Variants in CNIH1 observed in about 807,000 individuals in gnomAD.
The protein encoded by CNIH1 is cornichon family member 1.
A neutral mutation model predicts 20.2 loss-of-function variants in CNIH1; 12 were observed. That is an observed-to-expected ratio of 0.59 (90% CI 0.38 to 0.96). CNIH1 has a LOEUF of 0.96. CNIH1 is among the 40% of genes least tolerant of loss of function. The probability of loss-of-function intolerance (pLI) is 0.00; values close to 1 mark genes in which losing one functional copy is unlikely to be tolerated. For missense variants in CNIH1, 152 were observed against 178.8 expected (o/e 0.85, Z 0.85); for synonymous variants, 69 against 63.3 (o/e 1.09, Z -0.43).
rs2030838493 is a variant in CNIH1, at chr14:54,426,952, T to G, written c.*862A>C. ...GTGAGTCTTAATTTCAGAGTTTTATTGTATTGCACTAAAGGAACAGCAGGA... is the reference window on the plus strand; with the variant it reads ...GTGAGTCTTAATTTCAGAGTTTTATGGTATTGCACTAAAGGAACAGCAGGA... On this transcript the variant is annotated 3_prime_UTR_variant, in exon 5 of 5. Coordinates refer to ENST00000216416, the MANE Select transcript of CNIH1 (RefSeq NM_005776.3). 1 of 152,212 alleles carries G rather than the reference T, an allele frequency of 6.6e-6. No homozygotes were observed. The highest frequency in any genetic ancestry group is 2.1e-4 in the South Asian group (1 of 4,834). 9.4% of individuals were successfully genotyped at this position (152,212 alleles called of 1,614,324 possible). A position where few individuals can be genotyped will look rare whatever the true frequency, so the allele number is the denominator to read the frequency against.
At chr14:54,439,552 CT>C (rs534454023) in intron 1 of CNIH1, among the ~76,000 whole-genome samples, 1 of 146,714 alleles carries the variant, frequency 6.8e-6, no homozygotes, top group Non-Finnish European at 1.5e-5. Flanking sequence ...TTCTTTCTTT[CT>C]TTTTTTTTGT....
At chr14:54,438,920 G>A (rs1397555354) in intron 1 of CNIH1, among the ~76,000 whole-genome samples, 1 of 152,088 alleles carries the variant, frequency 6.6e-6, no homozygotes, top group Non-Finnish European at 1.5e-5. Context: ...AACAGCGCCT[G>A]GCACCTCCCC....
intron 3 of CNIH1, among the ~76,000 whole-genome samples, chr14:54,431,459 A>G (rs543005209): frequency 6.6e-6 from 1 of 152,220 alleles, no homozygotes; most frequent in East Asian, 1.9e-4. Context: ...TTCAAAGTCC[A>G]TTGTAGACCT....
Position 54,427,599 on chromosome 14 carries a change from G to T in CNIH1, c.*215C>A. On this transcript the variant is annotated 3_prime_UTR_variant, in exon 5 of 5. Transcript: ENST00000216416. ...GTAATCATTTTATATTAATTTATACGTAATACCATTTAAAATCTTTATCTG... is the reference window on the plus strand; with the variant it reads ...GTAATCATTTTATATTAATTTATACTTAATACCATTTAAAATCTTTATCTG... The T allele has an allele frequency of 1.8e-6, 1 of 555,786 alleles. No individual in the cohort carries two copies. Among genetic ancestry groups the T allele is most frequent in the South Asian group, 2.6e-5 (1 of 38,808 alleles). The allele number at this position is 555,786 out of a possible 1,614,324, so 34.4% of individuals were successfully genotyped here. A position where few individuals can be genotyped will look rare whatever the true frequency, so the allele number is the denominator to read the frequency against.
chr14:54,441,064 C>A (rs1181717920), intron 1 of CNIH1, among the ~76,000 whole-genome samples, 183 bp downstream of exon 1: 1 of 151,730 alleles, frequency 6.6e-6, no homozygotes, highest in Admixed American at 6.6e-5. Context: ...CACCTGGCGA[C>A]TGCGCGCCCC....
chr14:54,427,955 C>A, intron 4 of CNIH1, 114 bp from the exon 5 acceptor site: 1 of 1,013,732 alleles, frequency 9.9e-7, no homozygotes, highest in Non-Finnish European at 1.5e-6. Context: ...AATGACAAGA[C>A]TAATGACAAG....
At chr14:54,438,324 T>C (rs1566718422) in intron 1 of CNIH1, among the ~76,000 whole-genome samples, 1 of 152,206 alleles carries the variant, frequency 6.6e-6, no homozygotes, top group Non-Finnish European at 1.5e-5. Context: ...TCTCTTTGAG[T>C]GCTATAGGCT....
rs1406206997 is a variant in CNIH1 at position 54,441,273 on chromosome 14, C to T, written c.55G>A (p.Ala19Thr). 6.6e-7 allele frequency: 1 copy of T among 1,521,258 alleles called. No individual in the cohort carries two copies. Among genetic ancestry groups the T allele is most frequent in the Non-Finnish European group, 8.8e-7 (1 of 1,132,028 alleles). 94.2% of individuals were successfully genotyped at this position (1,521,258 alleles called of 1,614,324 possible). A position where few individuals can be genotyped will look rare whatever the true frequency, so the allele number is the denominator to read the frequency against. The change falls in exon 1 of 5, where the codon GCG becomes ACG. Residue 19 changes from alanine (A) to threonine (T), a missense_variant. By Grantham distance (58) the Ala-to-Thr change is moderately conservative. Transcript: ENST00000216416. Reference protein sequence around the residue: ...CYMLALLLTAALIFFAIWHII... With the variant: ...CYMLALLLTATLIFFAIWHII... ...TGCCAAATGGCGAAGAAGATGAGCG[C>T]GGCAGTGAGCAGCAGCGCCAGCATG...
At chr14:54,440,651 C>G (rs1385609986) in intron 1 of CNIH1, among the ~76,000 whole-genome samples, 1 of 152,154 alleles carries the variant, frequency 6.6e-6, no homozygotes, top group African/African-American at 2.4e-5. Context: ...GAAACGCGCA[C>G]ATGCAATCAA....
chr14:54,437,738 A>G (rs1434156234), intron 1 of CNIH1, among the ~76,000 whole-genome samples: 1 of 152,080 alleles, frequency 6.6e-6, no homozygotes, highest in Non-Finnish European at 1.5e-5. Flanking sequence ...CACCTAACAC[A>G]AATGTTAAAA....
rs2030838609 is a variant in CNIH1 at position 54,426,958 on chromosome 14, G to C, written c.*856C>G. The C allele has an allele frequency of 6.6e-6, 1 of 152,094 alleles. No homozygotes were observed. Among genetic ancestry groups the C allele is most frequent in the Non-Finnish European group, 1.5e-5 (1 of 67,984 alleles). The allele number at this position is 152,094 out of a possible 1,614,324, so 9.4% of individuals were successfully genotyped here. A position where few individuals can be genotyped will look rare whatever the true frequency, so the allele number is the denominator to read the frequency against. On this transcript the variant is annotated 3_prime_UTR_variant, in exon 5 of 5. Coordinates refer to ENST00000216416, the MANE Select transcript of CNIH1 (RefSeq NM_005776.3). ...CTTAATTTCAGAGTTTTATTGTATTGCACTAAAGGAACAGCAGGATGGTTA... is the reference window on the plus strand; with the variant it reads ...CTTAATTTCAGAGTTTTATTGTATTCCACTAAAGGAACAGCAGGATGGTTA...
At position 54,441,356 on chromosome 14, in the gene CNIH1, C is replaced by T; in HGVS notation, c.-29G>A. The stretch of plus-strand genomic sequence containing the variant: ...TGGGGAGGAGGAGCGGGGAGCGGCG[C>T]CGTTGCCAGCGGAGAAAGGCGGCGC... On this transcript the variant is annotated 5_prime_UTR_variant, in exon 1 of 5. Coordinates refer to ENST00000216416, the MANE Select transcript of CNIH1 (RefSeq NM_005776.3). 6.8e-7 allele frequency: 1 copy of T among 1,480,136 alleles called. No homozygotes were observed. The highest frequency in any genetic ancestry group is 9.0e-7 in the Non-Finnish European group (1 of 1,105,036). 91.7% of individuals were successfully genotyped at this position (1,480,136 alleles called of 1,614,324 possible).
rs531537077 is a variant in CNIH1 at position 54,437,888 on chromosome 14, T to C, written c.82-1451A>G. ...AGACAAGGATGATAATCATAAGTAC[T>C]TGTCTATAACAAGATCCAACTTAAC... On this transcript the variant is annotated intron_variant, in intron 1 of 4. Coordinates refer to ENST00000216416, the MANE Select transcript of CNIH1 (RefSeq NM_005776.3). Among the ~76,000 whole-genome samples the C allele has an allele frequency of 9.1e-4, 139 of 152,312 alleles. 1 individual carries two copies. The highest frequency in any genetic ancestry group is 3.1e-3 in the African/African-American group (128 of 41,560).
At chr14:54,436,470 A>G in intron 1 of CNIH1, 33 bp from the exon 2 acceptor site, 1 of 1,202,094 alleles carries the variant, frequency 8.3e-7, no homozygotes, top group South Asian at 1.3e-5. Context: ...AGGACCACTC[A>G]CTTTAATTAA....
Position 54,434,497 on chromosome 14 carries a change from A to G in CNIH1, c.150+1872T>C, listed in dbSNP as rs1029920729. On this transcript the variant is annotated intron_variant, in intron 2 of 4. Transcript: ENST00000216416. ...CTATCTTAGCTGTATAACATTCGGC[A>G]AAGTGCTTTAACCTGGCAAAGCTTC... Among the ~76,000 whole-genome samples the G allele has an allele frequency of 3.9e-5, 6 of 152,350 alleles. No individual in the cohort carries two copies. In the Middle Eastern group the frequency reaches 0.01, roughly 259 times the overall value.
At position 54,423,661 on chromosome 14, in the gene CNIH1, C is replaced by T. The variant is rs3204303; in HGVS notation, c.*4153G>A. The T allele has an allele frequency of 2.0e-5, 3 of 152,056 alleles. No individual in the cohort carries two copies. The highest frequency in any genetic ancestry group is 4.4e-5 in the Non-Finnish European group (3 of 68,012). 9.4% of individuals were successfully genotyped at this position (152,056 alleles called of 1,614,324 possible). On this transcript the variant is annotated 3_prime_UTR_variant, in exon 5 of 5. Coordinates refer to ENST00000216416, the MANE Select transcript of CNIH1 (RefSeq NM_005776.3). ...TTTTCTGTGGACAGCGGACACAGCA[C>T]CATTAAGGTTAGCTTAGATTTGAAC...
At chr14:54,427,936 A>C in intron 4 of CNIH1, 95 bp from the exon 5 acceptor site, 1 of 1,141,558 alleles carries the variant, frequency 8.8e-7, no homozygotes, top group African/African-American at 1.5e-5. Flanking sequence ...GCAAACTAGT[A>C]TCACAGAAAA....
rs1311469442 is a variant in CNIH1 at position 54,426,537 on chromosome 14, T to C, written c.*1277A>G. 1 of 152,198 alleles carries C rather than the reference T, an allele frequency of 6.6e-6. No homozygotes were observed. The highest frequency in any genetic ancestry group is 2.4e-5 in the African/African-American group (1 of 41,462). The allele number at this position is 152,198 out of a possible 1,614,324, so 9.4% of individuals were successfully genotyped here. A position where few individuals can be genotyped will look rare whatever the true frequency, so the allele number is the denominator to read the frequency against. Reference sequence around the variant, plus strand: ...TCCTCATCCCAAATAAAGCACAAGATTTATTTATGCTTATGAAAACATGCA... The same window carrying C: ...TCCTCATCCCAAATAAAGCACAAGACTTATTTATGCTTATGAAAACATGCA... On this transcript the variant is annotated 3_prime_UTR_variant, in exon 5 of 5. Transcript: ENST00000216416.
chr14:54,428,069 T>G (rs919932072), intron 4 of CNIH1, among the ~76,000 whole-genome samples: 2 of 152,162 alleles, frequency 1.3e-5, no homozygotes, highest in East Asian at 3.9e-4. Flanking sequence ...TTTTAGCAAG[T>G]AGAACGGCAC....
Sources: gnomAD v4.1 joint callset for allele counts (sites outside exome capture counted in the v4.1 genomes callset) on GRCh38, gnomAD v4.1.1 for gene constraint, MANE v1.5 for transcripts, NCBI Gene and HGNC (gene_info 2026-07-23, HGNC 2026-07-21) for gene names.